The following RGS6 variants were observed in gnomAD, a reference collection of about 807,000 sequenced individuals.
The protein encoded by RGS6 is regulator of G protein signaling 6.
Under a neutral mutation model 78.5 loss-of-function variants are expected in RGS6, and 30 were observed. That is an observed-to-expected ratio of 0.38 (90% CI 0.29 to 0.52). The LOEUF is 0.52. RGS6 is among the 20% of genes least tolerant of loss of function. The probability of loss-of-function intolerance (pLI) is 0.85; values close to 1 mark genes in which losing one functional copy is unlikely to be tolerated. For synonymous variants in RGS6, 206 were observed against 206.0 expected (o/e 1.00, Z 0.00); for missense variants, 495 against 609.7 (o/e 0.81, Z 1.98).
chr14:72,208,565 G>A (rs1039798912), intron 2 of RGS6, among the ~76,000 whole-genome samples: 1 of 152,166 alleles, frequency 6.6e-6, no homozygotes, highest in Non-Finnish European at 1.5e-5. Flanking sequence ...TAAGGTCTGT[G>A]AGGACAGGCC....
At chr14:72,001,895 C>CTTTTTTT (rs59274317) in intron 2 of RGS6, among the ~76,000 whole-genome samples, 9 of 92,528 alleles carry the variant, frequency 9.7e-5, no homozygotes, top group Admixed American at 2.9e-4. Context: ...ATCCATTAAT[C>CTTTTTTT]TTTTTTTTTT....
intron 2 of RGS6, among the ~76,000 whole-genome samples, chr14:72,039,747 G>A (rs547559624): frequency 6.9e-6 from 1 of 145,576 alleles, no homozygotes; most frequent in African/African-American, 2.5e-5. Context: ...TTCTGTATAT[G>A]TTGTATCTAT....
intron 2 of RGS6, among the ~76,000 whole-genome samples, chr14:72,127,474 G>T (rs1256291801): frequency 6.6e-6 from 1 of 151,864 alleles, no homozygotes; most frequent in Non-Finnish European, 1.5e-5. Context: ...TCTTAAGCTG[G>T]GTTTCATTAC....
At chr14:72,156,317 G>A (rs1269618373) in intron 2 of RGS6, among the ~76,000 whole-genome samples, 1 of 151,950 alleles carries the variant, frequency 6.6e-6, no homozygotes, top group Non-Finnish European at 1.5e-5. Context: ...GTGGTGGCAC[G>A]GGCCTGTAAT....
chr14:72,491,285 G>GAA (rs34700041), intron 12 of RGS6, among the ~76,000 whole-genome samples: 76 of 149,088 alleles, frequency 5.1e-4, no homozygotes, highest in East Asian at 2.1e-3. Context: ...CCCAGAAGAT[G>GAA]AAAAAAAAAA....
chr14:72,408,301 G>T (rs912296164), intron 3 of RGS6, among the ~76,000 whole-genome samples: 1 of 152,050 alleles, frequency 6.6e-6, no homozygotes, highest in African/African-American at 2.4e-5. Flanking sequence ...TTTTCCAATT[G>T]TGTGTTTTTT....
intron 2 of RGS6, among the ~76,000 whole-genome samples, chr14:72,182,048 CA>C (rs1380636495): frequency 6.6e-6 from 1 of 152,210 alleles, no homozygotes; most frequent in Non-Finnish European, 1.5e-5. Flanking sequence ...ACAATTCAGA[CA>C]TGAAAACTAT....
chr14:72,063,443 G>A (rs1295590413), intron 2 of RGS6, among the ~76,000 whole-genome samples: 1 of 152,192 alleles, frequency 6.6e-6, no homozygotes, highest in Non-Finnish European at 1.5e-5. Context: ...CATTGATTGG[G>A]TGGGGGCACA....
downstream of RGS6, among the ~76,000 whole-genome samples, chr14:72,571,219 TAC>T (rs1253557658): frequency 2.0e-5 from 3 of 152,210 alleles, no homozygotes; most frequent in African/African-American, 7.2e-5. Context: ...TCCAGTGACT[TAC>T]ATAAGATTAT....
At chr14:72,182,604 T>A (rs142676875) in intron 2 of RGS6, among the ~76,000 whole-genome samples, 85 of 152,312 alleles carry the variant, frequency 5.6e-4, no homozygotes, top group African/African-American at 1.9e-3. Flanking sequence ...GGGAAACTGC[T>A]GACAGTAACA....
downstream of RGS6, among the ~76,000 whole-genome samples, chr14:72,569,956 C>A (rs2097718394): frequency 6.6e-6 from 1 of 152,140 alleles, no homozygotes; most frequent in South Asian, 2.1e-4. Flanking sequence ...TAAAAAGTCA[C>A]CTTTTTAAAC....
intron 2 of RGS6, among the ~76,000 whole-genome samples, chr14:72,283,919 A>C (rs1440000563): frequency 2.0e-5 from 3 of 152,222 alleles, no homozygotes; most frequent in African/African-American, 7.2e-5. Flanking sequence ...AATGAAGTCC[A>C]GATTGAGGTG....
Position 72,136,052 on chromosome 14 carries a change from T to C in RGS6, c.84+171177T>C, listed in dbSNP as rs1029651723. ...TGTTGCACCATTTGCCTGACAGTTA[T>C]CATTTTCCTTGACGAAAAGTTTTTC... On this transcript the variant is annotated intron_variant, in intron 2 of 17. Transcript: ENST00000553525. Among the ~76,000 whole-genome samples, 4 of 152,338 alleles carry C rather than the reference T, an allele frequency of 2.6e-5. No homozygotes were observed. The South Asian group carries it at 6.2e-4, about 24-fold the overall frequency.
chr14:72,061,761 C>A (rs532155070), intron 2 of RGS6, among the ~76,000 whole-genome samples: 1 of 152,290 alleles, frequency 6.6e-6, no homozygotes, highest in East Asian at 1.9e-4. Context: ...TATAACAGTA[C>A]AGATTTGCTA....
intron 15 of RGS6, among the ~76,000 whole-genome samples, chr14:72,520,426 C>T (rs1338962911): frequency 6.6e-6 from 1 of 152,152 alleles, no homozygotes; most frequent in Non-Finnish European, 1.5e-5. Flanking sequence ...TTGTGTGGTG[C>T]TCTCCTATCA....
At chr14:72,018,336 C>T (rs951096116) in intron 2 of RGS6, among the ~76,000 whole-genome samples, 13 of 152,068 alleles carry the variant, frequency 8.5e-5, no homozygotes, top group African/African-American at 2.9e-4. Flanking sequence ...GTCCTTGGGG[C>T]TAGAATCCGC....
intron 3 of RGS6, among the ~76,000 whole-genome samples, chr14:72,415,852 C>G (rs1180644146): frequency 1.3e-5 from 2 of 152,112 alleles, no homozygotes; most frequent in Non-Finnish European, 2.9e-5. Flanking sequence ...GAACTAAAAG[C>G]ATAAAAAGTT....
chr14:72,215,891 C>T (rs1386695972), intron 2 of RGS6, among the ~76,000 whole-genome samples: 1 of 152,180 alleles, frequency 6.6e-6, no homozygotes, highest in Non-Finnish European at 1.5e-5. Context: ...ATTTTTGCTT[C>T]TAAGAGAAGT....
chr14:72,292,734 T>G (rs1430405892), intron 2 of RGS6, among the ~76,000 whole-genome samples: 2 of 152,184 alleles, frequency 1.3e-5, no homozygotes, highest in Non-Finnish European at 2.9e-5. Context: ...CTTAAGAGCA[T>G]AAAAAGTGGA....
Sources: gnomAD v4.1 joint callset for allele counts (sites outside exome capture counted in the v4.1 genomes callset) on GRCh38, gnomAD v4.1.1 for gene constraint, MANE v1.5 for transcripts, NCBI Gene and HGNC (gene_info 2026-07-23, HGNC 2026-07-21) for gene names.